The following PITPNB variants were observed in gnomAD, a reference collection of about 807,000 sequenced individuals.
The protein encoded by PITPNB is phosphatidylinositol transfer protein beta, also known as phosphatidylinositol transfer protein beta isoform.
PITPNB carries 16 observed loss-of-function variants against 45.9 expected under a neutral mutation model. The ratio of observed to expected loss-of-function variants is 0.35; its 90% CI spans 0.24 to 0.53. The LOEUF (loss-of-function observed/expected upper bound fraction) is 0.53. PITPNB is among the 20% of genes least tolerant of loss of function. PITPNB has a pLI of 0.93. For synonymous variants in PITPNB, 112 were observed against 108.9 expected (o/e 1.03, Z -0.18); for missense variants, 188 against 330.5 (o/e 0.57, Z 3.34).
intron 3 of PITPNB, among the ~76,000 whole-genome samples, chr22:27,903,467 CAAA>C (rs71194750): frequency 4.9e-5 from 4 of 81,286 alleles, no homozygotes; most frequent in African/African-American, 4.4e-5. Flanking sequence ...GAAACTGTCT[CAAA>C]AAAAAAAAAA....
At chr22:27,894,860 G>T (rs1489123851) in intron 6 of PITPNB, among the ~76,000 whole-genome samples, 2 of 152,160 alleles carry the variant, frequency 1.3e-5, no homozygotes, top group Non-Finnish European at 2.9e-5. Context: ...TGAGGATGCT[G>T]CCAAATGAAT....
intron 6 of PITPNB, among the ~76,000 whole-genome samples, chr22:27,896,230 A>C (rs986002469): frequency 1.3e-5 from 2 of 152,226 alleles, no homozygotes; most frequent in Non-Finnish European, 2.9e-5. Flanking sequence ...AAACACTCAG[A>C]TATAAAAGCA....
At chr22:27,898,163 C>T (rs923653625) in intron 3 of PITPNB, 3 of 364,722 alleles carry the variant, frequency 8.2e-6, no homozygotes, top group Non-Finnish European at 1.0e-5. Context: ...ATCACTTGAG[C>T]CCAGGAGTTT....
chr22:27,902,538 C>T (rs1459049738), intron 3 of PITPNB, among the ~76,000 whole-genome samples: 7 of 151,554 alleles, frequency 4.6e-5, no homozygotes, highest in African/African-American at 1.2e-4. Context: ...GAGTTAATTG[C>T]AAAAATTAAC....
intron 7 of PITPNB, among the ~76,000 whole-genome samples, chr22:27,887,804 G>C (rs933024399): frequency 3.3e-5 from 5 of 152,102 alleles, no homozygotes; most frequent in Non-Finnish European, 7.3e-5. Context: ...AGTGCAAGCA[G>C]AACCGCTAAC....
At chr22:27,915,338 G>C (rs1936045777) in intron 1 of PITPNB, among the ~76,000 whole-genome samples, 1 of 151,080 alleles carries the variant, frequency 6.6e-6, no homozygotes, top group Non-Finnish European at 1.5e-5. Flanking sequence ...TTTTTTTCTT[G>C]CAGTAAGAGT....
intron 3 of PITPNB, 61 bp from the exon 4 acceptor site, chr22:27,897,953 T>A: frequency 1.8e-6 from 2 of 1,136,850 alleles, no homozygotes; most frequent in South Asian, 2.5e-5. Flanking sequence ...TTGGTATCTA[T>A]CCAACTGCTT....
intron 3 of PITPNB, among the ~76,000 whole-genome samples, chr22:27,908,400 T>G (rs929438462): frequency 1.3e-5 from 2 of 151,468 alleles, no homozygotes; most frequent in Non-Finnish European, 3.0e-5. Context: ...TATTTCAAAC[T>G]GTTCTTTTCC....
At chr22:27,890,569 C>T (rs746582724) in intron 7 of PITPNB, among the ~76,000 whole-genome samples, 1 of 152,088 alleles carries the variant, frequency 6.6e-6, no homozygotes, top group African/African-American at 2.4e-5. Flanking sequence ...AATCCCAGCA[C>T]TTTGGGAGGC....
At chr22:27,902,322 A>C (rs1345461399) in intron 3 of PITPNB, among the ~76,000 whole-genome samples, 1 of 152,112 alleles carries the variant, frequency 6.6e-6, no homozygotes, top group Admixed American at 6.5e-5. Context: ...GCATGGCTAG[A>C]CTGCAGTGAC....
intron 7 of PITPNB, among the ~76,000 whole-genome samples, chr22:27,893,450 AT>A (rs1935343323): frequency 6.6e-6 from 1 of 151,106 alleles, no homozygotes; most frequent in Non-Finnish European, 1.5e-5. Flanking sequence ...ATACCGGCTA[AT>A]TTTTTGTATT....
chr22:27,899,231 G>A (rs1240377943), intron 3 of PITPNB, among the ~76,000 whole-genome samples: 1 of 152,174 alleles, frequency 6.6e-6, no homozygotes, highest in Non-Finnish European at 1.5e-5. Flanking sequence ...AAGTTGATAC[G>A]GAGCTGGGTA....
At chr22:27,894,377 C>G in intron 7 of PITPNB, 178 bp downstream of exon 7, 1 of 463,670 alleles carries the variant, frequency 2.2e-6, no homozygotes, top group Non-Finnish European at 3.9e-6. Context: ...CTCTCTTACT[C>G]TGGTCTCTTT....
Position 27,879,671 on chromosome 22 carries a change from A to C in PITPNB, c.457-5856T>G, listed in dbSNP as rs552282376. On this transcript the variant is annotated intron_variant, in intron 7 of 11. Transcript: ENST00000335272. Reference sequence around the variant, plus strand: ...GTTAATTCCATAAAGGTGTTTGTTAAACATTACATATTTTAAAATTATACT... The same window carrying C: ...GTTAATTCCATAAAGGTGTTTGTTACACATTACATATTTTAAAATTATACT... 2.0e-4 allele frequency among the ~76,000 whole-genome samples: 30 copies of C among 152,342 alleles called. 1 individual carries two copies. The South Asian group carries it at 6.2e-3, about 32-fold the overall frequency.
In PITPNB at chr22:27,854,841, G is replaced by A; in HGVS notation, c.*38+13C>T. On this transcript the variant is annotated intron_variant, in intron 11 of 11. Coordinates refer to ENST00000335272, the MANE Select transcript of PITPNB (RefSeq NM_012399.5). ...AGGTTTCGAAACATCTTTTTACCCA[G>A]GTCTTCACTTACACAGTTTGACATT... is the stretch of plus-strand genomic sequence containing the variant. 1 of 1,556,784 alleles carries A rather than the reference G, an allele frequency of 6.4e-7. No individual in the cohort carries two copies. Among genetic ancestry groups the A allele is most frequent in the Non-Finnish European group, 8.8e-7 (1 of 1,130,342 alleles).
chr22:27,869,673 T>C (rs1934594493), intron 8 of PITPNB, among the ~76,000 whole-genome samples: 1 of 152,194 alleles, frequency 6.6e-6, no homozygotes, highest in Non-Finnish European at 1.5e-5. Flanking sequence ...GGCACATTTA[T>C]AGATCTCAGC....
chr22:27,860,003 A>C, intron 9 of PITPNB, 128 bp downstream of exon 9: 1 of 598,078 alleles, frequency 1.7e-6, no homozygotes, highest in Non-Finnish European at 3.0e-6. Flanking sequence ...GCTGAAATGA[A>C]TTATGTAGGG....
chr22:27,893,582 CTTTTTTTTTTTTTTTT>C (rs745878388), intron 7 of PITPNB, among the ~76,000 whole-genome samples: 1 of 74,046 alleles, frequency 1.4e-5, no homozygotes, highest in East Asian at 3.7e-4. Context: ...CATGTCTAGC[CTTTTTTTTTTTTTTTT>C]TTTTTTTTTG....
At chr22:27,871,945 G>C (rs1388787717) in intron 8 of PITPNB, among the ~76,000 whole-genome samples, 1 of 151,764 alleles carries the variant, frequency 6.6e-6, no homozygotes, top group African/African-American at 2.4e-5. Context: ...CACTTCCCCT[G>C]CCCCACTTCC....
Sources: gnomAD v4.1 joint callset for allele counts (sites outside exome capture counted in the v4.1 genomes callset) on GRCh38, gnomAD v4.1.1 for gene constraint, MANE v1.5 for transcripts, NCBI Gene and HGNC (gene_info 2026-07-23, HGNC 2026-07-21) for gene names.